The following PRDM16 variants were observed in gnomAD, a reference collection of about 807,000 sequenced individuals.
The protein encoded by PRDM16 is histone-lysine N-methyltransferase PRDM16.
PRDM16 carries 23 observed loss-of-function variants against 110.6 expected under a neutral mutation model. The observed-to-expected ratio is 0.21, with a 90% CI of 0.15 to 0.29. PRDM16 has a LOEUF of 0.29. PRDM16 is among the 10% of genes least tolerant of loss of function. The probability of loss-of-function intolerance (pLI) is 1.00; values close to 1 mark genes in which losing one functional copy is unlikely to be tolerated. For missense variants in PRDM16, 1,615 were observed against 1,794.3 expected (o/e 0.90, Z 1.81); for synonymous variants, 799 against 781.8 (o/e 1.02, Z -0.37).
At chr1:3,377,708 A>G (rs529567846) in intron 3 of PRDM16, among the ~76,000 whole-genome samples, 93 of 152,312 alleles carry the variant, frequency 6.1e-4, no homozygotes, top group Non-Finnish European at 1.1e-3. Context: ...GGAGAGAGAC[A>G]CAGCCCAGTG....
intron 2 of PRDM16, among the ~76,000 whole-genome samples, chr1:3,232,488 G>T (rs530038401): frequency 2.2e-3 from 341 of 152,268 alleles, no homozygotes; most frequent in Non-Finnish European, 3.7e-3. Flanking sequence ...TTTCAATCAG[G>T]AATAAAATAC....
Position 3,098,341 on chromosome 1 carries a change from G to A in PRDM16, c.37+29045G>A, listed in dbSNP as rs969485700. Among the ~76,000 whole-genome samples, 23 of 152,314 alleles carry A rather than the reference G, an allele frequency of 1.5e-4. No homozygotes were observed. In the East Asian group the frequency reaches 4.3e-3, roughly 28 times the overall value. ...TGCTCCTGGGTGTCAACTCTTGGGC[G>A]AGGTCACCCTCACTGCCCACTGGGG... is the stretch of plus-strand genomic sequence containing the variant. On this transcript the variant is annotated intron_variant, in intron 1 of 16. Transcript: ENST00000270722.
In PRDM16 at chr1:3,418,867, G is replaced by C. The variant is rs1012964811; in HGVS notation, c.2939+123G>C. ...TGCTGGAGTGAGCAGGCAGTGGGCA[G>C]GGCCGGGTGCTGAATTCTGGTCACT... On this transcript the variant is annotated intron_variant, in intron 12 of 16. Transcript: ENST00000270722. 2.8e-5 allele frequency: 21 copies of C among 746,230 alleles called. No homozygotes were observed. The African/African-American group carries it at 3.1e-4, about 11-fold the overall frequency. 46.2% of individuals were successfully genotyped at this position (746,230 alleles called of 1,614,324 possible).
At chr1:3,141,885 G>A (rs78889215) in intron 1 of PRDM16, among the ~76,000 whole-genome samples, 1,582 of 152,342 alleles carry the variant, frequency 0.01, 51 homozygotes, top group East Asian at 0.096. Context: ...CACCTGACCC[G>A]TTCTGTGCGG....
At chr1:3,400,574 T>C (rs1643450267) in intron 5 of PRDM16, among the ~76,000 whole-genome samples, 1 of 152,202 alleles carries the variant, frequency 6.6e-6, no homozygotes, top group South Asian at 2.1e-4. Context: ...AAGCTCCGAA[T>C]GGCAGCCTTC....
chr1:3,352,152 G>A (rs928659887), intron 3 of PRDM16, among the ~76,000 whole-genome samples: 1 of 152,202 alleles, frequency 6.6e-6, no homozygotes, highest in Admixed American at 6.5e-5. Flanking sequence ...GCCTGGCACA[G>A]TCCACCTGCC....
At chr1:3,410,310 G>A (rs962301777) in intron 8 of PRDM16, among the ~76,000 whole-genome samples, 1 of 152,162 alleles carries the variant, frequency 6.6e-6, no homozygotes, top group Non-Finnish European at 1.5e-5. Context: ...CTGGAGTCTA[G>A]CTGGGCCGGC....
At chr1:3,128,698 C>G (rs894694011) in intron 1 of PRDM16, among the ~76,000 whole-genome samples, 3 of 152,046 alleles carry the variant, frequency 2.0e-5, no homozygotes, top group Non-Finnish European at 4.4e-5. Context: ...ACCATCCCAC[C>G]ATGCTACTGG....
intron 1 of PRDM16, among the ~76,000 whole-genome samples, chr1:3,161,829 G>A (rs151246789): frequency 6.6e-6 from 1 of 152,372 alleles, no homozygotes; most frequent in Non-Finnish European, 1.5e-5. Context: ...TGGTGCGCCT[G>A]TCTCCATGAG....
At chr1:3,108,392 T>C (rs1642714356) in intron 1 of PRDM16, among the ~76,000 whole-genome samples, 2 of 152,226 alleles carry the variant, frequency 1.3e-5, no homozygotes, top group Admixed American at 6.5e-5. Flanking sequence ...GCCTGGTCTA[T>C]GTAGGGGAAG....
At chr1:3,282,511 G>A (rs535665328) in intron 3 of PRDM16, among the ~76,000 whole-genome samples, 2 of 152,324 alleles carry the variant, frequency 1.3e-5, no homozygotes, top group East Asian at 3.9e-4. Flanking sequence ...GCACTTAGCT[G>A]AGGATACCCC....
chr1:3,349,834 C>G (rs949423473), intron 3 of PRDM16, among the ~76,000 whole-genome samples: 3 of 152,238 alleles, frequency 2.0e-5, no homozygotes, highest in Non-Finnish European at 4.4e-5. Context: ...ATTGAGGAGC[C>G]TCCAGCCCTC....
chr1:3,294,642 C>T (rs1339199757), intron 3 of PRDM16, among the ~76,000 whole-genome samples: 1 of 152,162 alleles, frequency 6.6e-6, no homozygotes, highest in Non-Finnish European at 1.5e-5. Flanking sequence ...CGTGCTGCCT[C>T]CCCTTCAGCC....
chr1:3,202,151 C>A (rs1224443258), intron 2 of PRDM16, among the ~76,000 whole-genome samples: 1 of 152,160 alleles, frequency 6.6e-6, no homozygotes, highest in Non-Finnish European at 1.5e-5. Context: ...CCTGGCCTTG[C>A]CCCTTCACCC....
At chr1:3,159,607 G>A (rs1301057753) in intron 1 of PRDM16, among the ~76,000 whole-genome samples, 3 of 152,178 alleles carry the variant, frequency 2.0e-5, no homozygotes, top group Admixed American at 6.5e-5. Context: ...GATATCCTGG[G>A]GATTGAGACT....
chr1:3,129,364 GGTGA>G (rs976964488), intron 1 of PRDM16, among the ~76,000 whole-genome samples: 2 of 126,050 alleles, frequency 1.6e-5, no homozygotes, highest in Non-Finnish European at 3.1e-5. Flanking sequence ...TGCGCACGTG[GGTGA>G]GTGTGTGGGT....
At chr1:3,381,082 T>A (rs974914779) in intron 3 of PRDM16, among the ~76,000 whole-genome samples, 1 of 152,228 alleles carries the variant, frequency 6.6e-6, no homozygotes, top group Non-Finnish European at 1.5e-5. Flanking sequence ...ATCGCTTCAA[T>A]GTCCTCCTGC....
At position 3,252,526 on chromosome 1, in the gene PRDM16, A is replaced by C. The variant is rs571858191; in HGVS notation, c.438+8389A>C. Among the ~76,000 whole-genome samples the C allele has an allele frequency of 3.9e-5, 6 of 152,294 alleles. No individual in the cohort carries two copies. The East Asian group carries it at 1.2e-3, about 29-fold the overall frequency. Reference sequence around the variant, plus strand: ...TATCTGGCTGGTGGAAATTTTCCGCAGGAGGTGGGCCCCTCGTGGAAGGTG... The same window carrying C: ...TATCTGGCTGGTGGAAATTTTCCGCCGGAGGTGGGCCCCTCGTGGAAGGTG... On this transcript the variant is annotated intron_variant, in intron 3 of 16. Coordinates refer to ENST00000270722, the MANE Select transcript of PRDM16 (RefSeq NM_022114.4).
chr1:3,138,545 A>G (rs1643484707), intron 1 of PRDM16, among the ~76,000 whole-genome samples: 1 of 152,184 alleles, frequency 6.6e-6, no homozygotes, highest in South Asian at 2.1e-4. Flanking sequence ...TGCCGGTGAC[A>G]TACCTGCCCT....
Sources: gnomAD v4.1 joint callset for allele counts (sites outside exome capture counted in the v4.1 genomes callset) on GRCh38, gnomAD v4.1.1 for gene constraint, MANE v1.5 for transcripts, NCBI Gene and HGNC (gene_info 2026-07-23, HGNC 2026-07-21) for gene names.